Variants in AMPD2 observed in about 807,000 individuals in gnomAD.
AMPD2 encodes adenosine monophosphate deaminase 2, also known as AMP deaminase 2.
AMPD2 carries 52 observed loss-of-function variants against 91.3 expected under a neutral mutation model. The ratio of observed to expected loss-of-function variants is 0.57; its 90% CI spans 0.46 to 0.72. The LOEUF (loss-of-function observed/expected upper bound fraction) is 0.72. AMPD2 is among the 30% of genes least tolerant of loss of function. The pLI is 0.00. For synonymous variants in AMPD2, 455 were observed against 456.4 expected (o/e 1.00, Z 0.04); for missense variants, 822 against 1,122.3 (o/e 0.73, Z 3.82).
Position 109,626,814 on chromosome 1 carries a change from G to A in AMPD2, c.620G>A (p.Ser207Asn). ...REKYMALSLQ[S>N]FCPTTRRYLQ... ...AAGTACATGGCCCTGTCCCTGCAGAGCTTCTGCCCCACCACCCGCCGCTAC... is the reference window on the plus strand; with the variant it reads ...AAGTACATGGCCCTGTCCCTGCAGAACTTCTGCCCCACCACCCGCCGCTAC... The change falls in exon 7 of 19, where the codon AGC (serine) becomes AAC (asparagine). Residue 207 changes from serine (S) to asparagine (N), a missense_variant. Ser to Asn is a conservative substitution (Grantham distance 46). Coordinates refer to ENST00000528667, the MANE Select transcript of AMPD2 (RefSeq NM_001368809.2). 6.2e-7 allele frequency: 1 copy of A among 1,613,792 alleles called. No individual in the cohort carries two copies.
rs756745194 is a variant in AMPD2, at chr1:109,629,486, C to T, written c.1858C>T (p.Arg620Cys). Residue 620 changes from arginine to cysteine, a missense_variant, in exon 15 of 19, where the codon CGC becomes TGC. Physicochemically the swap from Arg to Cys is radical, Grantham distance 180 (BLOSUM62 -3). Coordinates refer to ENST00000528667, the MANE Select transcript of AMPD2 (RefSeq NM_001368809.2). ...FANMAMLNHL[R>C]RQRGFHTFVL... is the part of the protein sequence containing the mutation. ...CAACATGGCCATGTTGAACCACCTG[C>T]GCAGGTGCCTGCACCACCCTGTGTC... is the stretch of plus-strand genomic sequence containing the variant. 3.1e-6 allele frequency: 5 copies of T among 1,613,540 alleles called. No homozygotes were observed. The South Asian group carries it at 4.4e-5, about 14-fold the overall frequency.
In AMPD2 at chr1:109,625,858, T is replaced by G; in HGVS notation, c.353+66T>G. 2 of 1,597,314 alleles carry G rather than the reference T, an allele frequency of 1.3e-6. No homozygotes were observed. Among genetic ancestry groups the G allele is most frequent in the Non-Finnish European group, 1.7e-6 (2 of 1,169,866 alleles). On this transcript the variant is annotated intron_variant, in intron 4 of 18. Coordinates refer to ENST00000528667, the MANE Select transcript of AMPD2 (RefSeq NM_001368809.2). This position sits in a 1 kb window ranked among gnomAD's most constrained non-coding sequence, Gnocchi z 4.0. ...TTCCAGACCCTTTCAGAGCCCCTTT[T>G]CTGCCTCTTTCCCTCGCACCCTGCC...
At chr1:109,620,870 T>G (rs1650188083) in intron 1 of AMPD2, 44 bp from the exon 2 acceptor site, 1 of 1,440,186 alleles carries the variant, frequency 6.9e-7, no homozygotes, top group East Asian at 2.5e-5. Flanking sequence ...GGCTGGCCCT[T>G]CCCCATCTTC....
intron 16 of AMPD2, 25 bp from the exon 17 acceptor site, chr1:109,630,208 C>G: frequency 6.2e-7 from 1 of 1,608,844 alleles, no homozygotes. Flanking sequence ...ACCTGACAGG[C>G]CCTCCCTCCC....
intron 2 of AMPD2, 146 bp downstream of exon 2, chr1:109,621,412 CGGCTTGGAAGGTG>C (rs1174005235): frequency 1.2e-5 from 4 of 327,970 alleles, no homozygotes; most frequent in Admixed American, 3.7e-5. Context: ...CAGGGACAGC[CGGCTTGGAAGGTG>C]GGGTGAGGGG....
In AMPD2 at chr1:109,628,373, A is replaced by G; in HGVS notation, c.1285A>G (p.Thr429Ala). 1 of 1,614,062 alleles carries G rather than the reference A, an allele frequency of 6.2e-7. No individual in the cohort carries two copies. Among genetic ancestry groups the G allele is most frequent in the Non-Finnish European group, 8.5e-7 (1 of 1,180,020 alleles). Residue 429 changes from threonine (T) to alanine (A), a missense_variant, in exon 12 of 19, where the codon ACT (threonine) becomes GCT (alanine). Thr to Ala is a moderately conservative substitution (Grantham distance 58). This residue lies in a region of AMPD2 where 430 missense variants were observed against 606.0 expected (regional missense o/e 0.71). Coordinates refer to ENST00000528667, the MANE Select transcript of AMPD2 (RefSeq NM_001368809.2). This position sits in a 1 kb window ranked among gnomAD's most constrained non-coding sequence, Gnocchi z 7.1. ...DTLDVHADRN[T>A]FHRFDKFNAK... ...TTCCCATGTCCCCCAGGACAGGAAC[A>G]CTTTCCATCGCTTTGACAAGTTTAA... is the stretch of plus-strand genomic sequence containing the variant.
chr1:109,622,118 C>T (rs188779916), intron 2 of AMPD2: 2 of 439,212 alleles, frequency 4.6e-6, no homozygotes, highest in South Asian at 1.6e-5. Flanking sequence ...CGACTGCCCC[C>T]ACCCTTGCAG....
chr1:109,627,391 C>T (rs766926458), intron 8 of AMPD2, 38 bp from the exon 9 acceptor site: 20 of 1,613,772 alleles, frequency 1.2e-5, no homozygotes, highest in Admixed American at 3.3e-5. Context: ...CCACAGGGCT[C>T]GGCTTGCTCT....
chr1:109,630,045 C>T (rs1164937527), intron 16 of AMPD2, 129 bp downstream of exon 16: 26 of 1,436,726 alleles, frequency 1.8e-5, no homozygotes, highest in East Asian at 6.9e-5. Context: ...AATGTAACTA[C>T]CCTTCCCCAC....
rs1650986080 is a variant in AMPD2 at position 109,629,218 on chromosome 1, C to T, written c.1681C>T (p.His561Tyr). ...TVHPASHPEL[H>Y]LFLEHVDGFD... ...GCACCCTGCCAGCCACCCGGAACTG[C>T]ATCTCTTCTTAGAGCACGTGAGCAG... The change falls in exon 14 of 19, where the codon CAT (histidine) becomes TAT (tyrosine). Residue 561 changes from histidine (H) to tyrosine (Y), a missense_variant. Physicochemically the swap from His to Tyr is moderately conservative, Grantham distance 83. Around this residue, in one of 5 missense-constraint regions of AMPD2, gnomAD observed 430 missense variants for 606.0 expected, o/e 0.71. Transcript: ENST00000528667. The T allele has an allele frequency of 1.2e-6, 2 of 1,614,188 alleles. No homozygotes were observed. Among genetic ancestry groups the T allele is most frequent in the African/African-American group, 2.7e-5 (2 of 75,056 alleles).
Position 109,624,362 on chromosome 1 carries a change from G to C in AMPD2, c.92-941G>C, listed in dbSNP as rs2101150327. Among the ~76,000 whole-genome samples the C allele has an allele frequency of 6.6e-6, 1 of 152,360 alleles. No individual in the cohort carries two copies. Among genetic ancestry groups the C allele is most frequent in the African/African-American group, 2.4e-5 (1 of 41,596 alleles). On this transcript the variant is annotated intron_variant, in intron 2 of 18. Transcript: ENST00000528667. The surrounding 1 kb of genome is among the most constrained non-coding windows in gnomAD (Gnocchi z 5.2). ...TGAGGAGCTGGGGCTGCTGAGCCCA[G>C]GGAGGGTCCTTCGGGGTAGGCTGGA...
chr1:109,626,266 C>T (rs493972), intron 5 of AMPD2, 38 bp downstream of exon 5: 3 of 1,613,426 alleles, frequency 1.9e-6, no homozygotes, highest in Non-Finnish European at 2.5e-6. Context: ...TGCGGAGCTG[C>T]AGCCTGCCCT....
At position 109,625,893 on chromosome 1, in the gene AMPD2, C is replaced by A. The variant is rs1194177422; in HGVS notation, c.353+101C>A. 61 of 1,525,784 alleles carry A rather than the reference C, an allele frequency of 4.0e-5. No individual in the cohort carries two copies. In the African/African-American group the frequency reaches 7.0e-4, roughly 17 times the overall value. The allele number at this position is 1,525,784 out of a possible 1,614,324, so 94.5% of individuals were successfully genotyped here. A position where few individuals can be genotyped will look rare whatever the true frequency, so the allele number is the denominator to read the frequency against. ...TCCCTCGCACCCTGCCTTGGGGGGT[C>A]TGCACAGGGAGCATAGAGTGGGCTT... On this transcript the variant is annotated intron_variant, in intron 4 of 18. Coordinates refer to ENST00000528667, the MANE Select transcript of AMPD2 (RefSeq NM_001368809.2). This position sits in a 1 kb window ranked among gnomAD's most constrained non-coding sequence, Gnocchi z 4.0.
In AMPD2 at chr1:109,625,394, G is replaced by C. The variant is rs778218896; in HGVS notation, c.183G>C (p.Leu61=). The C allele has an allele frequency of 2.5e-6, 4 of 1,613,940 alleles. No homozygotes were observed. The highest frequency in any genetic ancestry group is 3.4e-6 in the Non-Finnish European group (4 of 1,179,980). The stretch of plus-strand genomic sequence containing the variant: ...GCCTCAAGCACTTCCCGCTCGACCT[G>C]CGCACGTCTATGGATGGCAAATGCA... The part of the protein sequence containing the change: ...APCLKHFPLD[L]RTSMDGKCKE... Residue 61 remains leucine (L), a synonymous_variant, in exon 3 of 19, where the codon CTG becomes CTC. Transcript: ENST00000528667. This position sits in a 1 kb window ranked among gnomAD's most constrained non-coding sequence, Gnocchi z 4.0.
At chr1:109,622,370 C>A in intron 2 of AMPD2, 1 of 450,072 alleles carries the variant, frequency 2.2e-6, no homozygotes, top group Non-Finnish European at 4.5e-6. Context: ...GCATCTGATA[C>A]TTGTGGGGTC....
In AMPD2 at chr1:109,625,071, C is replaced by A. The variant is rs1426447225; in HGVS notation, c.92-232C>A. 6.6e-6 allele frequency among the ~76,000 whole-genome samples: 1 copy of A among 152,108 alleles called. No individual in the cohort carries two copies. Among genetic ancestry groups the A allele is most frequent in the Non-Finnish European group, 1.5e-5 (1 of 67,986 alleles). ...GTAATGAATCTACTTGTTCTAGGGG[C>A]AGACTCAGAATCCCCACCCCAAGCC... On this transcript the variant is annotated intron_variant, in intron 2 of 18. Coordinates refer to ENST00000528667, the MANE Select transcript of AMPD2 (RefSeq NM_001368809.2). The surrounding 1 kb of genome is among the most constrained non-coding windows in gnomAD (Gnocchi z 4.0).
At chr1:109,626,462 C>T (rs186932298) in intron 6 of AMPD2, 35 bp downstream of exon 6, 6 of 1,556,880 alleles carry the variant, frequency 3.9e-6, no homozygotes, top group Middle Eastern at 1.7e-4. Context: ...GAGTCGCCAT[C>T]ACCTATGTCT....
rs761558579 is a variant in AMPD2 at position 109,625,156 on chromosome 1, C to T, written c.92-147C>T. The T allele has an allele frequency of 2.6e-6, 3 of 1,143,924 alleles. No homozygotes were observed. The highest frequency in any genetic ancestry group is 3.6e-6 in the Non-Finnish European group (3 of 823,242). The allele number at this position is 1,143,924 out of a possible 1,614,324, so 70.9% of individuals were successfully genotyped here. On this transcript the variant is annotated intron_variant, in intron 2 of 18. Coordinates refer to ENST00000528667, the MANE Select transcript of AMPD2 (RefSeq NM_001368809.2). This position sits in a 1 kb window ranked among gnomAD's most constrained non-coding sequence, Gnocchi z 4.0. ...GGGTGAGCCCTTTGGGAGCCACACA[C>T]ACAGGCCTACTCCTCAGCTACTGAG... is the stretch of plus-strand genomic sequence containing the variant.
At chr1:109,630,513 C>T (rs1163313417) in intron 17 of AMPD2, 107 bp downstream of exon 17, 7 of 1,330,390 alleles carry the variant, frequency 5.3e-6, no homozygotes, top group East Asian at 2.6e-5. Context: ...TGGTGCTGCC[C>T]CCTGCTGGTA....
Sources: gnomAD v4.1 joint callset for allele counts (sites outside exome capture counted in the v4.1 genomes callset) on GRCh38, gnomAD v4.1.1 for gene constraint, gnomAD v4.1.1 regional missense constraint, Gnocchi (gnomAD v3.1) non-coding constraint, MANE v1.5 for transcripts, NCBI Gene and HGNC (gene_info 2026-07-23, HGNC 2026-07-21) for gene names.